Variants in SLC30A8 observed in about 807,000 individuals in gnomAD.
SLC30A8 encodes solute carrier family 30 member 8.
In SLC30A8, 27 loss-of-function variants were observed where a neutral mutation model predicts 36.9. That is an observed-to-expected ratio of 0.73 (90% CI 0.54 to 1.01). SLC30A8 has a LOEUF of 1.01. SLC30A8 is among the 50% of genes least tolerant of loss of function. The pLI, the probability that SLC30A8 is intolerant of heterozygous loss-of-function variation, is 0.00. For missense variants in SLC30A8, 439 were observed against 452.0 expected, an observed-to-expected ratio of 0.97 and a Z score of 0.26; for synonymous variants, 164 against 172.4, an observed-to-expected ratio of 0.95 and a Z score of 0.38.
At chr8:117,097,627 T>A (rs535227960) in intron 2 of SLC30A8, among the ~76,000 whole-genome samples, 9 of 82,294 alleles carry the variant, frequency 1.1e-4, no homozygotes, top group Non-Finnish European at 1.6e-4. Context: ...TAATATATAT[T>A]ATATATAATA....
Position 117,147,018 on chromosome 8 carries a change from G to A in SLC30A8, c.136G>A (p.Glu46Lys), listed in dbSNP as rs1821930500. Residue 46 changes from glutamate (E) to lysine (K), a missense_variant, in exon 2 of 8, where the codon GAG becomes AAG. Glu to Lys is a moderately conservative substitution (Grantham distance 56). Transcript: ENST00000456015. The part of the protein sequence containing the change: ...QCPRERPEEL[E>K]SGGMYHCHSG... ...TCCCAGAGAGAGACCAGAGGAGCTG[G>A]AGTCAGGAGGCATGTACCACTGCCA... 6.2e-7 allele frequency: 1 copy of A among 1,614,112 alleles called. No individual in the cohort carries two copies. Among genetic ancestry groups the A allele is most frequent in the African/African-American group, 1.3e-5 (1 of 75,040 alleles).
At chr8:117,038,493 T>C (rs2202486) in intron 1 of SLC30A8, among the ~76,000 whole-genome samples, 51,234 of 152,040 alleles carry the variant, frequency 0.34, 10,960 homozygotes, top group African/African-American at 0.62. Context: ...CTTTATTAGA[T>C]GAACACACCA....
intron 1 of SLC30A8, among the ~76,000 whole-genome samples, chr8:117,022,913 A>AAGAG (rs1464049148): frequency 6.6e-6 from 1 of 152,230 alleles, no homozygotes; most frequent in East Asian, 1.9e-4. Flanking sequence ...TGCACAGCAA[A>AAGAG]AGAGACTACC....
At position 117,175,506 on chromosome 8, in the gene SLC30A8, G is replaced by C. The variant is rs1176328147; in HGVS notation, c.*2825G>C. On this transcript the variant is annotated 3_prime_UTR_variant, in exon 8 of 8. Coordinates refer to ENST00000456015, the MANE Select transcript of SLC30A8 (RefSeq NM_173851.3). ...TTCTGAAGCTAGATTGTCTGAGTTTGAATCTTAGCTCTTCCCTTTATTAGC... is the reference window on the plus strand; with the variant it reads ...TTCTGAAGCTAGATTGTCTGAGTTTCAATCTTAGCTCTTCCCTTTATTAGC... 1 of 152,060 alleles carries C rather than the reference G, an allele frequency of 6.6e-6. No homozygotes were observed. Among genetic ancestry groups the C allele is most frequent in the East Asian group, 1.9e-4 (1 of 5,160 alleles). 9.4% of individuals were successfully genotyped at this position (152,060 alleles called of 1,614,324 possible).
At chr8:117,038,553 T>A (rs1817286482) in intron 1 of SLC30A8, among the ~76,000 whole-genome samples, 1 of 152,232 alleles carries the variant, frequency 6.6e-6, no homozygotes, top group African/African-American at 2.4e-5. Context: ...AGGTTTTCAG[T>A]ATTTTGCTTC....
intron 2 of SLC30A8, among the ~76,000 whole-genome samples, chr8:117,057,596 T>C (rs934133555): frequency 1.3e-5 from 2 of 152,160 alleles, no homozygotes; most frequent in Non-Finnish European, 2.9e-5. Context: ...TTAGATTCCA[T>C]GTATAAGTGA....
intron 2 of SLC30A8, among the ~76,000 whole-genome samples, chr8:117,081,411 G>A (rs1277899474): frequency 6.6e-6 from 1 of 152,210 alleles, no homozygotes; most frequent in African/African-American, 2.4e-5. Flanking sequence ...TTTTCTCTGT[G>A]TGCAAGCATC....
intron 1 of SLC30A8, among the ~76,000 whole-genome samples, chr8:117,002,141 A>C (rs1359828675): frequency 6.6e-6 from 1 of 152,112 alleles, no homozygotes; most frequent in African/African-American, 2.4e-5. Context: ...TTATTACTAG[A>C]AGTTTGTTTA....
At chr8:117,110,769 G>C (rs1016309481) in intron 2 of SLC30A8, among the ~76,000 whole-genome samples, 2 of 152,082 alleles carry the variant, frequency 1.3e-5, no homozygotes, top group African/African-American at 4.8e-5. Flanking sequence ...GATTTATAAG[G>C]AATAATCCTA....
At chr8:117,160,587 GT>G (rs1822739989) in intron 4 of SLC30A8, among the ~76,000 whole-genome samples, 2 of 152,312 alleles carry the variant, frequency 1.3e-5, no homozygotes, top group Non-Finnish European at 2.9e-5. Context: ...GACTACACAA[GT>G]TTTTTTCCTC....
intron 2 of SLC30A8, among the ~76,000 whole-genome samples, chr8:117,119,486 G>A (rs973819963): frequency 5.3e-5 from 8 of 152,000 alleles, no homozygotes; most frequent in African/African-American, 1.4e-4. Context: ...AGGAAGTCAA[G>A]GGGAATGAGA....
At chr8:117,113,896 C>A (rs1274226549) in intron 2 of SLC30A8, among the ~76,000 whole-genome samples, 1 of 152,042 alleles carries the variant, frequency 6.6e-6, no homozygotes, top group Non-Finnish European at 1.5e-5. Context: ...GTGGTTCAGA[C>A]AATAGGTGAA....
chr8:117,124,461 C>T (rs1820815593), intron 2 of SLC30A8, among the ~76,000 whole-genome samples: 1 of 151,708 alleles, frequency 6.6e-6, no homozygotes, highest in African/African-American at 2.4e-5. Context: ...GCTCAGTTTC[C>T]ACACAGGCTT....
chr8:116,978,117 C>G (rs1231283816), intron 1 of SLC30A8, among the ~76,000 whole-genome samples: 1 of 152,076 alleles, frequency 6.6e-6, no homozygotes, highest in African/African-American at 2.4e-5. Flanking sequence ...ATTTTGGTCA[C>G]TTTTTCAAAC....
At chr8:117,022,018 G>A (rs115429178) in intron 1 of SLC30A8, among the ~76,000 whole-genome samples, 1 of 151,478 alleles carries the variant, frequency 6.6e-6, no homozygotes, top group African/African-American at 2.4e-5. Context: ...GTTTAAAAAG[G>A]TAAGTTCCTT....
intron 2 of SLC30A8, among the ~76,000 whole-genome samples, chr8:117,085,189 C>T (rs909673841): frequency 2.6e-5 from 4 of 152,092 alleles, no homozygotes; most frequent in Non-Finnish European, 4.4e-5. Context: ...AGGAAGTTTA[C>T]ATACTACCCT....
At chr8:116,976,213 C>CT (rs1326992550) in intron 1 of SLC30A8, among the ~76,000 whole-genome samples, 2 of 149,542 alleles carry the variant, frequency 1.3e-5, no homozygotes, top group African/African-American at 4.9e-5. Context: ...CAGCTACTCA[C>CT]TTACCAGTGA....
Position 116,976,941 on chromosome 8 carries a change from C to T in SLC30A8, c.-266+25822C>T, listed in dbSNP as rs150397957. On this transcript the variant is annotated intron_variant, in intron 1 of 10. Transcript: ENST00000427715. ...AAGCGATTCTCCTGCCTCAGCCTCC[C>T]GAGTAGCTGGGATACTGCAAGCATG... 5.5e-3 allele frequency among the ~76,000 whole-genome samples: 827 copies of T among 150,634 alleles called. 8 individuals carry two copies. The highest frequency in any genetic ancestry group is 0.019 in the African/African-American group (779 of 40,922).
chr8:117,147,161 T>A lies in SLC30A8; in HGVS notation c.271+8T>A. Reference sequence around the variant, plus strand: ...TGATTGCAGAGGTCGTGGGTGAGTCTTTCTGCAGACTTTTTTCATTAAACA... The same window carrying A: ...TGATTGCAGAGGTCGTGGGTGAGTCATTCTGCAGACTTTTTTCATTAAACA... On this transcript the variant is annotated splice_region_variant and intron_variant, in intron 2 of 7. Transcript: ENST00000456015. 1 of 1,612,316 alleles carries A rather than the reference T, an allele frequency of 6.2e-7. No individual in the cohort carries two copies. The highest frequency in any genetic ancestry group is 8.5e-7 in the Non-Finnish European group (1 of 1,179,198).
Sources: gnomAD v4.1 joint callset for allele counts (sites outside exome capture counted in the v4.1 genomes callset) on GRCh38, gnomAD v4.1.1 for gene constraint, MANE v1.5 for transcripts, NCBI Gene and HGNC (gene_info 2026-07-23, HGNC 2026-07-21) for gene names.